The following ADGRL3 variants were observed in gnomAD, a reference collection of about 807,000 sequenced individuals.
ADGRL3 encodes the protein adhesion G protein-coupled receptor L3, also known as calcium-independent alpha-latrotoxin receptor 3.
A neutral mutation model predicts 153.5 loss-of-function variants in ADGRL3; 62 were observed. The observed-to-expected ratio is 0.40, with a 90% CI of 0.33 to 0.50. The LOEUF is 0.50. Ranked by LOEUF, ADGRL3 falls within the 20% of genes least tolerant of loss-of-function variation. ADGRL3 has a pLI of 0.47. For missense variants in ADGRL3, 1,641 were observed against 1,859.4 expected (o/e 0.88, Z 2.16); for synonymous variants, 710 against 672.5 (o/e 1.06, Z -0.86).
chr4:61,268,280 G>C (rs1395901419), intron 1 of ADGRL3, among the ~76,000 whole-genome samples: 4 of 151,660 alleles, frequency 2.6e-5, no homozygotes, highest in Admixed American at 6.6e-5. Context: ...AATTTTTGGT[G>C]CAAAAGTCAC....
At chr4:61,832,787 T>C (rs2097887170) in intron 9 of ADGRL3, among the ~76,000 whole-genome samples, 1 of 151,414 alleles carries the variant, frequency 6.6e-6, no homozygotes, top group Non-Finnish European at 1.5e-5. Flanking sequence ...GTTTTTCGCT[T>C]TCTTTCTCTC....
chr4:61,392,679 C>T (rs1422006556), intron 2 of ADGRL3, among the ~76,000 whole-genome samples: 2 of 4,676 alleles, frequency 4.3e-4, no homozygotes, highest in African/African-American at 4.8e-4. Context: ...AGCGAGACTC[C>T]ATCTCAAAAA....
chr4:61,321,127 T>C (rs1430828933), intron 1 of ADGRL3, among the ~76,000 whole-genome samples: 3 of 152,196 alleles, frequency 2.0e-5, no homozygotes, highest in East Asian at 3.9e-4. Context: ...AAATTAGCAA[T>C]CTTCATTTCA....
chr4:61,669,282 G>A (rs2094912286), intron 5 of ADGRL3, among the ~76,000 whole-genome samples: 1 of 151,902 alleles, frequency 6.6e-6, no homozygotes, highest in African/African-American at 2.4e-5. Context: ...TTAGATAGTT[G>A]TCTCATCTTT....
At chr4:61,376,287 A>G (rs1325453063) in intron 1 of ADGRL3, among the ~76,000 whole-genome samples, 1 of 151,814 alleles carries the variant, frequency 6.6e-6, no homozygotes, top group African/African-American at 2.4e-5. Context: ...ATTCCATTAT[A>G]GAAGTTGGAA....
chr4:61,682,661 C>T (rs191863522), intron 6 of ADGRL3, among the ~76,000 whole-genome samples: 2 of 151,272 alleles, frequency 1.3e-5, no homozygotes, highest in African/African-American at 4.8e-5. Context: ...CCGCCTAGGC[C>T]TCCCAAAGTG....
At chr4:61,601,460 A>G (rs73822690) in intron 5 of ADGRL3, among the ~76,000 whole-genome samples, 3,286 of 152,310 alleles carry the variant, frequency 0.022, 92 homozygotes, top group East Asian at 0.12. Context: ...GCTCTACTCA[A>G]TGAATTCAAA....
intron 2 of ADGRL3, among the ~76,000 whole-genome samples, chr4:61,432,859 G>A (rs371200555): frequency 1.3e-5 from 2 of 151,066 alleles, no homozygotes; most frequent in African/African-American, 4.9e-5. Context: ...CTCCATGTTG[G>A]TCAGGCTGGT....
At chr4:61,894,303 T>C (rs957274131) in intron 10 of ADGRL3, among the ~76,000 whole-genome samples, 4 of 152,202 alleles carry the variant, frequency 2.6e-5, no homozygotes, top group African/African-American at 9.6e-5. Flanking sequence ...TATCATTTCA[T>C]ATTCCATGGT....
chr4:61,817,252 T>G (rs1327695196), intron 9 of ADGRL3, among the ~76,000 whole-genome samples: 1 of 148,226 alleles, frequency 6.7e-6, no homozygotes, highest in Non-Finnish European at 1.5e-5. Context: ...GGGTGTCCGG[T>G]TTAAACCCCA....
At chr4:61,858,738 G>C (rs1219052818) in intron 9 of ADGRL3, among the ~76,000 whole-genome samples, 1 of 152,128 alleles carries the variant, frequency 6.6e-6, no homozygotes, top group African/African-American at 2.4e-5. Flanking sequence ...TTACAAAATG[G>C]AAAAAACATT....
chr4:61,642,895 C>A (rs1246109586), intron 5 of ADGRL3, among the ~76,000 whole-genome samples: 1 of 152,126 alleles, frequency 6.6e-6, no homozygotes, highest in Non-Finnish European at 1.5e-5. Flanking sequence ...GCCATTTTCA[C>A]GATATTGATT....
In ADGRL3 at chr4:61,374,157, A is replaced by C. The variant is rs185250281; in HGVS notation, c.-239-8967A>C. On this transcript the variant is annotated intron_variant, in intron 1 of 26. Transcript: ENST00000683033. ...GGGTGAATTCTTTGGGTAGAAAAAA[A>C]TTTCTGAAAAGTTGGGGCAAATATC... is the stretch of plus-strand genomic sequence containing the variant. Among the ~76,000 whole-genome samples, 914 of 152,196 alleles carry C rather than the reference A, an allele frequency of 6.0e-3. 34 individuals are homozygous for C. The highest frequency in any genetic ancestry group is 0.055 in the Admixed American group (835 of 15,284).
chr4:62,061,161 A>G (rs1739914415), intron 25 of ADGRL3, among the ~76,000 whole-genome samples: 1 of 151,680 alleles, frequency 6.6e-6, no homozygotes, highest in Non-Finnish European at 1.5e-5. Flanking sequence ...TATTACCCAC[A>G]CTTCCCTTCT....
intron 2 of ADGRL3, among the ~76,000 whole-genome samples, chr4:61,403,012 T>C (rs1226138247): frequency 6.7e-6 from 1 of 150,006 alleles, no homozygotes; most frequent in Admixed American, 6.8e-5. Context: ...TCCTGGCTTG[T>C]ACATGGCTGC....
chr4:61,439,603 T>C (rs1484779657), intron 2 of ADGRL3, among the ~76,000 whole-genome samples: 2 of 152,028 alleles, frequency 1.3e-5, no homozygotes, highest in African/African-American at 4.8e-5. Context: ...ATCCCTCCCC[T>C]AGCCCTCCAA....
Position 61,979,715 on chromosome 4 carries a change from C to T in ADGRL3, c.2958C>T (p.Ile986=), listed in dbSNP as rs570445279. 2.7e-5 allele frequency: 44 copies of T among 1,614,028 alleles called. No individual in the cohort carries two copies. The African/African-American group carries it at 4.8e-4, about 18-fold the overall frequency. ...ACACCATCCACAAGAACCTCTGCAT[C>T]AGTCTCTTTGTAGCAGAGCTGCTCT... ...DRNTIHKNLC[I]SLFVAELLFL... Residue 986 remains isoleucine (I), a synonymous_variant, in exon 18 of 27, where the codon ATC becomes ATT. Coordinates refer to ENST00000683033, the MANE Select transcript of ADGRL3 (RefSeq NM_001387552.1).
chr4:61,440,549 T>C (rs1187628070), intron 2 of ADGRL3, among the ~76,000 whole-genome samples: 1 of 152,216 alleles, frequency 6.6e-6, no homozygotes, highest in African/African-American at 2.4e-5. Context: ...GCCATGTTAA[T>C]TGATTCCTTA....
chr4:61,505,432 C>A (rs77342715), intron 3 of ADGRL3, among the ~76,000 whole-genome samples: 7,802 of 151,908 alleles, frequency 0.051, 647 homozygotes, highest in African/African-American at 0.17. Flanking sequence ...ATAATTGAAA[C>A]TTTATTTTTA....
Sources: gnomAD v4.1 joint callset for allele counts (sites outside exome capture counted in the v4.1 genomes callset) on GRCh38, gnomAD v4.1.1 for gene constraint, MANE v1.5 for transcripts, NCBI Gene and HGNC (gene_info 2026-07-23, HGNC 2026-07-21) for gene names.